The following IFT80 variants were observed in gnomAD, a reference collection of about 807,000 sequenced individuals.
IFT80 encodes intraflagellar transport protein 80 homolog.
Under a neutral mutation model 107.9 loss-of-function variants are expected in IFT80, and 79 were observed. The observed-to-expected ratio is 0.73, with a 90% CI of 0.61 to 0.88. The LOEUF (loss-of-function observed/expected upper bound fraction) is 0.88, where lower values mean the gene tolerates loss of function less well. Ranked by LOEUF, IFT80 falls within the 40% of genes least tolerant of loss-of-function variation. IFT80 has a pLI of 0.00. For missense variants in IFT80, 797 were observed against 914.2 expected (o/e 0.87, Z 1.65); for synonymous variants, 299 against 300.9 (o/e 0.99, Z 0.07).
chr3:160,384,011 G>A, intron 2 of IFT80: 1 of 845,864 alleles, frequency 1.2e-6, no homozygotes, highest in Non-Finnish European at 1.4e-6. Context: ...TTGGGAGGCT[G>A]GGGCGGGTGG....
At chr3:160,383,454 C>T (rs1000132899) in intron 2 of IFT80, 17 of 966,904 alleles carry the variant, frequency 1.8e-5, no homozygotes, top group Non-Finnish European at 2.0e-5. Flanking sequence ...AAATGTCTGA[C>T]CAAATGTTTA....
intron 3 of IFT80, among the ~76,000 whole-genome samples, chr3:160,380,949 A>G (rs1171578540): frequency 5.3e-5 from 8 of 152,048 alleles, no homozygotes; most frequent in African/African-American, 1.9e-4. Context: ...AAAAAAGTAA[A>G]GCCAGCTGGG....
At chr3:160,377,960 A>C (rs1306879841) in intron 3 of IFT80, 1 of 153,784 alleles carries the variant, frequency 6.5e-6, no homozygotes, top group African/African-American at 2.4e-5. Context: ...CGTAAACCAC[A>C]ATGATCCTTT....
intron 18 of IFT80, among the ~76,000 whole-genome samples, chr3:160,271,712 AG>A (rs1713822612): frequency 6.6e-6 from 1 of 152,142 alleles, no homozygotes; most frequent in Non-Finnish European, 1.5e-5. Context: ...TCCCTTCTAG[AG>A]GATTTAAACA....
chr3:160,279,676 C>CCT (rs59579180), intron 15 of IFT80, among the ~76,000 whole-genome samples: 60,342 of 151,858 alleles, frequency 0.4, 13,556 homozygotes, highest in African/African-American at 0.61. Flanking sequence ...TCTTTTTTTC[C>CCT]GAGGCTTAAG....
At chr3:160,395,926 A>G (rs191520987) in intron 1 of IFT80, among the ~76,000 whole-genome samples, 1 of 152,114 alleles carries the variant, frequency 6.6e-6, no homozygotes, top group Non-Finnish European at 1.5e-5. Context: ...TTCTTCTTAC[A>G]TTCTAAAAAT....
intron 9 of IFT80, among the ~76,000 whole-genome samples, chr3:160,312,063 G>C (rs1430913770): frequency 6.6e-6 from 1 of 152,204 alleles, no homozygotes; most frequent in African/African-American, 2.4e-5. Flanking sequence ...TTACAGGCAT[G>C]AGCTACAGCG....
At chr3:160,381,258 ATATATATT>A (rs1712481295) in intron 3 of IFT80, among the ~76,000 whole-genome samples, 1 of 138,384 alleles carries the variant, frequency 7.2e-6, no homozygotes, top group Non-Finnish European at 1.6e-5. Flanking sequence ...ATATATATAT[ATATATATT>A]AAAGCCAAAG....
Position 160,268,523 on chromosome 3 carries a change from C to G in IFT80, c.2113G>C (p.Ala705Pro). ...TCAACATGTGTTTTGTATTTTACAG[C>G]CAATTCCAGTGCCCTATAATGAGAA... ...LYNWERALELAVKYKTHVDTV... is the reference protein window; with the variant it reads ...LYNWERALELPVKYKTHVDTV... The change falls in exon 19 of 20, where the codon GCT (alanine) becomes CCT (proline). Residue 705 changes from alanine to proline, a missense_variant. By Grantham distance (27) the Ala-to-Pro change is conservative (BLOSUM62 -1). Transcript: ENST00000326448. The G allele has an allele frequency of 6.2e-7, 1 of 1,613,194 alleles. No individual in the cohort carries two copies. Among genetic ancestry groups the G allele is most frequent in the African/African-American group, 1.3e-5 (1 of 74,980 alleles).
intron 12 of IFT80, among the ~76,000 whole-genome samples, chr3:160,298,428 T>A (rs552679469): frequency 6.6e-6 from 1 of 152,332 alleles, no homozygotes; most frequent in Admixed American, 6.5e-5. Context: ...TACATAATTA[T>A]CTTGTTTAAC....
intron 11 of IFT80, 91 bp downstream of exon 11, chr3:160,303,824 T>C: frequency 8.7e-6 from 7 of 805,128 alleles, no homozygotes; most frequent in Non-Finnish European, 1.5e-5. Context: ...ATGACTAGTA[T>C]ACCATTCTTT....
Position 160,397,586 on chromosome 3 carries a change from T to C in IFT80, c.-47+1560A>G, listed in dbSNP as rs116205775. 2.4e-3 allele frequency among the ~76,000 whole-genome samples: 359 copies of C among 152,286 alleles called. 1 individual carries two copies. The highest frequency in any genetic ancestry group is 6.8e-3 in the Middle Eastern group (2 of 294). On this transcript the variant is annotated intron_variant, in intron 1 of 19. Coordinates refer to ENST00000326448, the MANE Select transcript of IFT80 (RefSeq NM_020800.3). Reference sequence around the variant, plus strand: ...GTTTCATAAATAAATACTCTCAAGATTGACAAACTGAGGAAACTGTCAAGC... The same window carrying C: ...GTTTCATAAATAAATACTCTCAAGACTGACAAACTGAGGAAACTGTCAAGC...
intron 5 of IFT80, among the ~76,000 whole-genome samples, chr3:160,370,886 T>G (rs951446728): frequency 8.5e-5 from 13 of 152,206 alleles, no homozygotes; most frequent in African/African-American, 2.9e-4. Context: ...CAAGCCTTAA[T>G]CGCTGCCTTA....
chr3:160,396,677 C>T (rs547387575), intron 1 of IFT80, among the ~76,000 whole-genome samples: 2 of 152,222 alleles, frequency 1.3e-5, no homozygotes, highest in East Asian at 3.9e-4. Context: ...GAAGATAAGA[C>T]CCAGTTATAG....
At chr3:160,392,977 CAGG>C (rs1419176490) in intron 1 of IFT80, among the ~76,000 whole-genome samples, 3 of 152,190 alleles carry the variant, frequency 2.0e-5, no homozygotes, top group African/African-American at 7.2e-5. Context: ...AAGGCTGAAG[CAGG>C]AGGACTGCTT....
chr3:160,381,813 A>T, intron 2 of IFT80, 89 bp from the exon 3 acceptor site: 1 of 993,006 alleles, frequency 1.0e-6, no homozygotes, highest in Non-Finnish European at 1.6e-6. Flanking sequence ...GTATAAGTAA[A>T]ATAGGGTCAA....
intron 9 of IFT80, among the ~76,000 whole-genome samples, chr3:160,316,393 T>C (rs1422736451): frequency 1.3e-5 from 2 of 152,186 alleles, no homozygotes; most frequent in East Asian, 3.8e-4. Context: ...GCTTGCAGCC[T>C]TGTGAGACTG....
rs776212229 is a variant in IFT80, at chr3:160,282,565, T to C, written c.1429A>G (p.Arg477Gly). The C allele has an allele frequency of 3.1e-6, 5 of 1,593,652 alleles. No individual in the cohort carries two copies. In the East Asian group the frequency reaches 1.1e-4, roughly 36 times the overall value. Reference sequence around the variant, plus strand: ...TTTTTATCAATGAAAGCAATTTTTCTATCATTGGTAAGTCCTTTTTGATCC... The same window carrying C: ...TTTTTATCAATGAAAGCAATTTTTCCATCATTGGTAAGTCCTTTTTGATCC... ...ALDQKGLTND[R>G]KIAFIDKNRD... The change falls in exon 14 of 20, where the codon AGA (arginine) becomes GGA (glycine). Residue 477 changes from arginine (R) to glycine (G), a missense_variant. Coordinates refer to ENST00000326448, the MANE Select transcript of IFT80 (RefSeq NM_020800.3).
At chr3:160,343,251 G>A (rs1720048175) in intron 8 of IFT80, among the ~76,000 whole-genome samples, 1 of 152,088 alleles carries the variant, frequency 6.6e-6, no homozygotes, top group African/African-American at 2.4e-5. Flanking sequence ...AGATGAACAG[G>A]GAGATGCCTT....
Sources: gnomAD v4.1 joint callset for allele counts (sites outside exome capture counted in the v4.1 genomes callset) on GRCh38, gnomAD v4.1.1 for gene constraint, MANE v1.5 for transcripts, NCBI Gene and HGNC (gene_info 2026-07-23, HGNC 2026-07-21) for gene names.